EPHB2: variants seen among roughly 807,000 people sequenced by gnomAD.
The protein encoded by EPHB2 is EPH receptor B2.
A neutral mutation model predicts 96.4 loss-of-function variants in EPHB2; 18 were observed. The observed-to-expected ratio is 0.19, with a 90% confidence interval of 0.13 to 0.28. The LOEUF (loss-of-function observed/expected upper bound fraction) is 0.28, where lower values mean the gene tolerates loss of function less well. Ranked by LOEUF, EPHB2 falls within the 10% of genes least tolerant of loss-of-function variation. EPHB2 has a pLI of 1.00. For synonymous variants in EPHB2, 506 were observed against 534.1 expected (o/e 0.95, Z 0.72); for missense variants, 989 against 1,355.4 (o/e 0.73, Z 4.25).
chr1:22,780,302 G>C (rs1644510874), intron 1 of EPHB2, among the ~76,000 whole-genome samples: 1 of 152,194 alleles, frequency 6.6e-6, no homozygotes, highest in Non-Finnish European at 1.5e-5. Context: ...CCCTGCAGCT[G>C]CTGGAATCGG....
rs558533925 is a variant in EPHB2, at chr1:22,893,392, A to G, written c.1591+346A>G. Among the ~76,000 whole-genome samples, 7 of 152,314 alleles carry G rather than the reference A, an allele frequency of 4.6e-5. No individual in the cohort carries two copies. The East Asian group carries it at 9.6e-4, about 21-fold the overall frequency. ...CAATCTGAGAAAGTAAGCATATTTT[A>G]TCCATACACAACTCCAGTGACTTAC... On this transcript the variant is annotated intron_variant, in intron 7 of 15. Transcript: ENST00000374630.
At chr1:22,780,573 A>G (rs1470559439) in intron 1 of EPHB2, among the ~76,000 whole-genome samples, 2 of 152,170 alleles carry the variant, frequency 1.3e-5, no homozygotes, top group Non-Finnish European at 2.9e-5. Flanking sequence ...ACGAGGGGAA[A>G]CTGAGGGGTC....
chr1:22,754,925 TGAGGTGAG>T (rs1644124159), intron 1 of EPHB2, among the ~76,000 whole-genome samples: 1 of 139,306 alleles, frequency 7.2e-6, no homozygotes, highest in Non-Finnish European at 1.6e-5. Context: ...GCAGGGGAGG[TGAGGTGAG>T]GGGCAGGGGA....
chr1:22,865,125 T>C lies in EPHB2; in HGVS notation c.1216T>C (p.Phe406Leu). ...SDLLAHTQYT[F>L]EIQAVNGVTD... Reference sequence around the variant, plus strand: ...CCTGCTGGCCCACACCCAGTACACCTTCGAGATCCAGGCTGTGAACGGCGT... The same window carrying C: ...CCTGCTGGCCCACACCCAGTACACCCTCGAGATCCAGGCTGTGAACGGCGT... Residue 406 changes from phenylalanine to leucine, a missense_variant, in exon 5 of 16, where the codon TTC becomes CTC. Phe to Leu is a conservative substitution (Grantham distance 22). Coordinates refer to ENST00000374630, the MANE Select transcript of EPHB2 (RefSeq NM_017449.5). 1 of 1,614,166 alleles carries C rather than the reference T, an allele frequency of 6.2e-7. No homozygotes were observed. The highest frequency in any genetic ancestry group is 2.2e-5 in the East Asian group (1 of 44,888).
At chr1:22,727,814 T>TC (rs1643617926) in intron 1 of EPHB2, among the ~76,000 whole-genome samples, 1 of 150,792 alleles carries the variant, frequency 6.6e-6, no homozygotes, top group Non-Finnish European at 1.5e-5. Context: ...AAAAAAACTT[T>TC]TTTTTTTAAT....
chr1:22,894,527 G>C (rs1466364094), intron 7 of EPHB2, among the ~76,000 whole-genome samples: 1 of 151,430 alleles, frequency 6.6e-6, no homozygotes, highest in Non-Finnish European at 1.5e-5. Flanking sequence ...AACCCGGGAA[G>C]CAGAGGTTGC....
At chr1:22,720,097 A>G (rs1643417610) in intron 1 of EPHB2, among the ~76,000 whole-genome samples, 1 of 152,254 alleles carries the variant, frequency 6.6e-6, no homozygotes, top group Admixed American at 6.5e-5. Context: ...GCTATCTCCC[A>G]TCCTTTGCTA....
chr1:22,775,899 G>T (rs1397156627), intron 1 of EPHB2, among the ~76,000 whole-genome samples: 1 of 152,198 alleles, frequency 6.6e-6, no homozygotes, highest in Non-Finnish European at 1.5e-5. Context: ...TCTTTTAAAT[G>T]GGCACTAAGA....
intron 5 of EPHB2, among the ~76,000 whole-genome samples, chr1:22,870,464 T>A (rs1266116647): frequency 1.3e-5 from 2 of 152,038 alleles, no homozygotes; most frequent in African/African-American, 4.8e-5. Flanking sequence ...CTCCTGCCTC[T>A]CCACACCCAC....
chr1:22,839,075 A>G (rs970602226), intron 3 of EPHB2, among the ~76,000 whole-genome samples: 3 of 152,246 alleles, frequency 2.0e-5, no homozygotes, highest in Non-Finnish European at 2.9e-5. Flanking sequence ...AAGCCCTAAA[A>G]AGCAAAACAG....
chr1:22,791,471 CTT>C (rs55650452), intron 3 of EPHB2, among the ~76,000 whole-genome samples: 15,334 of 92,340 alleles, frequency 0.17, 749 homozygotes, highest in South Asian at 0.21. Flanking sequence ...TTCTTTCTTT[CTT>C]TTTTTTTTTT....
chr1:22,888,062 T>G (rs1639282449), intron 6 of EPHB2, among the ~76,000 whole-genome samples: 1 of 152,164 alleles, frequency 6.6e-6, no homozygotes. Context: ...TTTGTGTGTG[T>G]GACAACAGAG....
chr1:22,863,955 G>A (rs541529589), intron 4 of EPHB2, among the ~76,000 whole-genome samples: 2 of 152,088 alleles, frequency 1.3e-5, no homozygotes, highest in African/African-American at 2.4e-5. Context: ...TTGAACTCCC[G>A]GGCTCAAGGA....
chr1:22,764,869 C>T (rs926029949), intron 1 of EPHB2, among the ~76,000 whole-genome samples: 1 of 152,218 alleles, frequency 6.6e-6, no homozygotes, highest in Non-Finnish European at 1.5e-5. Flanking sequence ...CGCTCCCCTG[C>T]GACTCGCTCC....
intron 1 of EPHB2, among the ~76,000 whole-genome samples, chr1:22,769,276 G>A (rs538783948): frequency 6.6e-6 from 1 of 152,234 alleles, no homozygotes; most frequent in Non-Finnish European, 1.5e-5. Context: ...CCAATCCACA[G>A]GTAGAATGTG....
Position 22,913,330 on chromosome 1 carries a change from A to G in EPHB2, c.2853-132A>G. 1 of 1,193,114 alleles carries G rather than the reference A, an allele frequency of 8.4e-7. No homozygotes were observed. The highest frequency in any genetic ancestry group is 1.2e-6 in the Non-Finnish European group (1 of 828,922). The allele number at this position is 1,193,114 out of a possible 1,614,324, so 73.9% of individuals were successfully genotyped here. ...TCCCTCCAGCTGTGGCTGCCTGCCC[A>G]CTCCCCACTCCCCACTCCCCAGTAC... On this transcript the variant is annotated intron_variant, in intron 15 of 15. Coordinates refer to ENST00000374630, the MANE Select transcript of EPHB2 (RefSeq NM_017449.5). The surrounding 1 kb of genome is among the most constrained non-coding windows in gnomAD (Gnocchi z 4.1).
At chr1:22,807,670 G>GCAGTGC (rs150020921) in intron 3 of EPHB2, among the ~76,000 whole-genome samples, 7,511 of 152,252 alleles carry the variant, frequency 0.049, 600 homozygotes, top group African/African-American at 0.17. Flanking sequence ...TTACACAGTG[G>GCAGTGC]CAGTGCCCTA....
chr1:22,766,595 T>C (rs1644310485), intron 1 of EPHB2, among the ~76,000 whole-genome samples: 1 of 152,106 alleles, frequency 6.6e-6, no homozygotes, highest in Non-Finnish European at 1.5e-5. Context: ...ATGAGGTCAC[T>C]GAGGCTGCAG....
At chr1:22,810,449 G>A (rs935749274) in intron 3 of EPHB2, among the ~76,000 whole-genome samples, 1 of 152,174 alleles carries the variant, frequency 6.6e-6, no homozygotes, top group African/African-American at 2.4e-5. Flanking sequence ...ACCCCACATT[G>A]GGCCATTACT....
Sources: gnomAD v4.1 joint callset for allele counts (sites outside exome capture counted in the v4.1 genomes callset) on GRCh38, gnomAD v4.1.1 for gene constraint, Gnocchi (gnomAD v3.1) non-coding constraint, MANE v1.5 for transcripts, NCBI Gene and HGNC (gene_info 2026-07-23, HGNC 2026-07-21) for gene names.